The following G3BP1 variants were observed in gnomAD, a reference collection of about 807,000 sequenced individuals.
G3BP1 encodes the protein G3BP stress granule assembly factor 1, also known as ras GTPase-activating protein-binding protein 1.
A neutral mutation model predicts 58.6 loss-of-function variants in G3BP1; 35 were observed. That is an observed-to-expected ratio of 0.60 (90% CI 0.46 to 0.79). The LOEUF is 0.79. Ranked by LOEUF, G3BP1 falls within the 30% of genes least tolerant of loss-of-function variation. G3BP1 has a pLI of 0.00. For missense variants in G3BP1, 523 were observed against 580.8 expected, an observed-to-expected ratio of 0.90 and a Z score of 1.02; for synonymous variants, 191 against 195.4, an observed-to-expected ratio of 0.98 and a Z score of 0.19.
rs767800858 is a variant in G3BP1, at chr5:151,790,319, A to G, written c.96-4A>G. 2 of 1,484,124 alleles carry G rather than the reference A, an allele frequency of 1.3e-6. No homozygotes were observed. Among genetic ancestry groups the G allele is most frequent in the South Asian group, 1.3e-5 (1 of 79,934 alleles). The allele number at this position is 1,484,124 out of a possible 1,614,324, so 91.9% of individuals were successfully genotyped here. On this transcript the variant is annotated splice_region_variant and splice_polypyrimidine_tract_variant and intron_variant, in intron 2 of 11. Transcript: ENST00000356245. The stretch of plus-strand genomic sequence containing the variant: ...GACAAGTAAATCATCTTCCCATTTT[A>G]CAGATTTTATGGAAAGAACTCTTCT...
Position 151,805,218 on chromosome 5 carries a change from A to G in G3BP1, c.*1127A>G, listed in dbSNP as rs938086872. The stretch of plus-strand genomic sequence containing the variant: ...ACTTTGCTCATGTGCTCGTGTCCGC[A>G]TTTTTTTTTTTCTTAAAATCATAGC... On this transcript the variant is annotated 3_prime_UTR_variant, in exon 12 of 12. Transcript: ENST00000356245. 1 of 145,508 alleles carries G rather than the reference A, an allele frequency of 6.9e-6. No individual in the cohort carries two copies. The highest frequency in any genetic ancestry group is 2.0e-4 in the East Asian group (1 of 5,056). 9.0% of individuals were successfully genotyped at this position (145,508 alleles called of 1,614,324 possible).
intron 4 of G3BP1, among the ~76,000 whole-genome samples, chr5:151,793,761 G>A (rs1762698909): frequency 6.6e-6 from 1 of 150,850 alleles, no homozygotes; most frequent in African/African-American, 2.4e-5. Context: ...GGGATGCTGA[G>A]GCGGGAGGAC....
intron 1 of G3BP1, among the ~76,000 whole-genome samples, chr5:151,778,754 A>G (rs181565506): frequency 1.3e-3 from 199 of 149,332 alleles, no homozygotes; most frequent in Middle Eastern, 0.01. Context: ...GGATAGAGGT[A>G]TTTTAAAAAT....
rs1312550693 is a variant in G3BP1 at position 151,807,589 on chromosome 5, T to C, written c.*3498T>C. 1 of 152,220 alleles carries C rather than the reference T, an allele frequency of 6.6e-6. No homozygotes were observed. Among genetic ancestry groups the C allele is most frequent in the Non-Finnish European group, 1.5e-5 (1 of 68,022 alleles). The allele number at this position is 152,220 out of a possible 1,614,324, so 9.4% of individuals were successfully genotyped here. A position where few individuals can be genotyped will look rare whatever the true frequency, so the allele number is the denominator to read the frequency against. ...AGTTTTTTCTCATCAGGTTTGATAA[T>C]TTAATGCAAACTTCAAATCTGGATG... On this transcript the variant is annotated 3_prime_UTR_variant, in exon 12 of 12. Coordinates refer to ENST00000356245, the MANE Select transcript of G3BP1 (RefSeq NM_005754.3).
intron 1 of G3BP1, among the ~76,000 whole-genome samples, chr5:151,774,661 C>T (rs1762336473): frequency 6.7e-6 from 1 of 150,032 alleles, no homozygotes; most frequent in African/African-American, 2.5e-5. Flanking sequence ...CTTCCTTGGA[C>T]GAAACTATTA....
At chr5:151,784,075 TTATTTA>T (rs985847042) in intron 1 of G3BP1, among the ~76,000 whole-genome samples, 5 of 152,214 alleles carry the variant, frequency 3.3e-5, no homozygotes, top group African/African-American at 4.8e-5. Flanking sequence ...ATTTTTTAAT[TTATTTA>T]TATTTATATT....
intron 4 of G3BP1, chr5:151,792,348 T>C (rs1762673766): frequency 4.2e-6 from 1 of 239,600 alleles, no homozygotes; most frequent in African/African-American, 2.3e-5. Flanking sequence ...AACCTTTGAA[T>C]ATGAGATAAC....
intron 11 of G3BP1, 112 bp downstream of exon 11, chr5:151,800,981 T>C (rs547593000): frequency 1.5e-5 from 9 of 591,276 alleles, no homozygotes; most frequent in Non-Finnish European, 2.4e-5. Context: ...TATTCCAACA[T>C]GTTCAGGTAA....
chr5:151,801,720 A>G (rs1055938141), intron 11 of G3BP1, among the ~76,000 whole-genome samples: 5 of 152,192 alleles, frequency 3.3e-5, no homozygotes, highest in African/African-American at 1.2e-4. Flanking sequence ...GTCCCTATGA[A>G]TTAAAATTGT....
At chr5:151,797,116 T>C (rs950378113) in intron 6 of G3BP1, 111 bp from the exon 7 acceptor site, 1 of 1,002,070 alleles carries the variant, frequency 1.0e-6, no homozygotes, top group Non-Finnish European at 1.5e-6. Context: ...ATTTTTGTTT[T>C]GGATAGAAGG....
At chr5:151,786,278 C>G (rs1762553995) in intron 1 of G3BP1, among the ~76,000 whole-genome samples, 1 of 152,124 alleles carries the variant, frequency 6.6e-6, no homozygotes, top group Non-Finnish European at 1.5e-5. Context: ...AACAGAGAGA[C>G]TCTGTCTCAA....
Position 151,805,445 on chromosome 5 carries a change from A to C in G3BP1, c.*1354A>C, listed in dbSNP as rs889550722. 1.3e-5 allele frequency: 2 copies of C among 152,420 alleles called. No individual in the cohort carries two copies. Among genetic ancestry groups the C allele is most frequent in the African/African-American group, 4.8e-5 (2 of 41,352 alleles). 9.4% of individuals were successfully genotyped at this position (152,420 alleles called of 1,614,324 possible). A position where few individuals can be genotyped will look rare whatever the true frequency, so the allele number is the denominator to read the frequency against. On this transcript the variant is annotated 3_prime_UTR_variant, in exon 12 of 12. Transcript: ENST00000356245. ...GGTGAAGGTTTTGTTTACACGTGTG[A>C]AACAAACTTTTGTGTGATTGTCATT...
chr5:151,773,961 T>TA (rs1424078729), intron 1 of G3BP1, among the ~76,000 whole-genome samples: 2 of 152,184 alleles, frequency 1.3e-5, no homozygotes, highest in Non-Finnish European at 2.9e-5. Flanking sequence ...CTTAAAATAT[T>TA]AAAAAAATAC....
intron 2 of G3BP1, among the ~76,000 whole-genome samples, chr5:151,789,981 C>T (rs888813449): frequency 6.6e-6 from 1 of 152,012 alleles, no homozygotes; most frequent in African/African-American, 2.4e-5. Context: ...CGAGACCAGC[C>T]TGGGCAACAT....
At chr5:151,789,621 T>C (rs1027323881) in intron 2 of G3BP1, among the ~76,000 whole-genome samples, 7 of 152,214 alleles carry the variant, frequency 4.6e-5, no homozygotes, top group African/African-American at 1.7e-4. Context: ...CCGCTCACGC[T>C]TATTCTCAGA....
At position 151,799,986 on chromosome 5, in the gene G3BP1, G is replaced by A. The variant is rs765341854; in HGVS notation, c.941G>A (p.Arg314Lys). The A allele has an allele frequency of 2.1e-5, 34 of 1,605,046 alleles. No individual in the cohort carries two copies. The highest frequency in any genetic ancestry group is 2.8e-5 in the Non-Finnish European group (33 of 1,172,058). ...CAACGAATAAATATTCCTCCCCAAA[G>A]GGGACCCAGACCAAGTAAGAGCTCA... is the stretch of plus-strand genomic sequence containing the variant. Reference protein sequence around the residue: ...REQRINIPPQRGPRPIREAGE... With the variant: ...REQRINIPPQKGPRPIREAGE... The change falls in exon 9 of 12, where the codon AGG becomes AAG. Residue 314 changes from arginine (R) to lysine (K), a missense_variant. This residue lies in a region of G3BP1 where 398 missense variants were observed against 399.1 expected (regional missense o/e 1.00). Coordinates refer to ENST00000356245, the MANE Select transcript of G3BP1 (RefSeq NM_005754.3).
At chr5:151,783,173 G>T (rs1254991588) in intron 1 of G3BP1, among the ~76,000 whole-genome samples, 1 of 151,970 alleles carries the variant, frequency 6.6e-6, no homozygotes, top group African/African-American at 2.4e-5. Flanking sequence ...TGACTAATCT[G>T]TTTAAATTTG....
Position 151,786,564 on chromosome 5 carries a change from T to C in G3BP1, c.-49-8T>C. 1 of 1,058,646 alleles carries C rather than the reference T, an allele frequency of 9.4e-7. No individual in the cohort carries two copies. Among genetic ancestry groups the C allele is most frequent in the Non-Finnish European group, 1.5e-6 (1 of 674,452 alleles). The allele number at this position is 1,058,646 out of a possible 1,614,324, so 65.6% of individuals were successfully genotyped here. A position where few individuals can be genotyped will look rare whatever the true frequency, so the allele number is the denominator to read the frequency against. On this transcript the variant is annotated splice_polypyrimidine_tract_variant and splice_region_variant and intron_variant, in intron 1 of 11. Coordinates refer to ENST00000356245, the MANE Select transcript of G3BP1 (RefSeq NM_005754.3). Reference sequence around the variant, plus strand: ...ATTCGGTCTTTTCCCCTGTGTTTGATCCTTCAGGTTTGGACATATTTGACT... The same window carrying C: ...ATTCGGTCTTTTCCCCTGTGTTTGACCCTTCAGGTTTGGACATATTTGACT...
chr5:151,809,402 A>G lies in G3BP1; in HGVS notation c.*5311A>G, dbSNP rs1160179084. ...TGCATGCTAAGGTAGCTTGTAGGAC[A>G]TGTGGTTTTAAAAAATTCATGGATT... On this transcript the variant is annotated 3_prime_UTR_variant, in exon 12 of 12. Coordinates refer to ENST00000356245, the MANE Select transcript of G3BP1 (RefSeq NM_005754.3). 1 of 152,214 alleles carries G rather than the reference A, an allele frequency of 6.6e-6. No homozygotes were observed. Among genetic ancestry groups the G allele is most frequent in the Non-Finnish European group, 1.5e-5 (1 of 68,038 alleles). 9.4% of individuals were successfully genotyped at this position (152,214 alleles called of 1,614,324 possible). A position where few individuals can be genotyped will look rare whatever the true frequency, so the allele number is the denominator to read the frequency against.
Sources: gnomAD v4.1 joint callset for allele counts (sites outside exome capture counted in the v4.1 genomes callset) on GRCh38, gnomAD v4.1.1 for gene constraint, gnomAD v4.1.1 regional missense constraint, MANE v1.5 for transcripts, NCBI Gene and HGNC (gene_info 2026-07-23, HGNC 2026-07-21) for gene names.